Variants in CLNK observed in about 807,000 individuals in gnomAD.
CLNK encodes cytokine dependent hematopoietic cell linker.
A neutral mutation model predicts 68.6 loss-of-function variants in CLNK; 74 were observed. The observed-to-expected ratio is 1.08, with a 90% confidence interval of 0.89 to 1.31. CLNK has a LOEUF of 1.31. CLNK is among the 50% of genes most tolerant of loss of function. CLNK has a pLI of 0.00. For synonymous variants in CLNK, 198 were observed against 172.2 expected, an observed-to-expected ratio of 1.15 and a Z score of -1.17; for missense variants, 553 against 515.3, an observed-to-expected ratio of 1.07 and a Z score of -0.71.
the CLNK span, among the ~76,000 whole-genome samples, chr4:10,693,652 C>T: frequency 6.6e-6 from 1 of 152,208 alleles, no homozygotes; most frequent in African/African-American, 2.4e-5. Context: ...CAGTTGGTGG[C>T]ACTTGTTCCA....
chr4:10,609,831 C>A (rs1293697664), intron 2 of CLNK, among the ~76,000 whole-genome samples: 2 of 152,016 alleles, frequency 1.3e-5, no homozygotes, highest in Non-Finnish European at 2.9e-5. Flanking sequence ...TCTGCTTGAA[C>A]CTGCTAATTT....
rs796668139 is a variant in CLNK at position 10,546,307 on chromosome 4, C to A, written c.446-4027G>T. Among the ~76,000 whole-genome samples, 23 of 152,290 alleles carry A rather than the reference C, an allele frequency of 1.5e-4. 1 individual carries two copies. The highest frequency in any genetic ancestry group is 5.1e-4 in the African/African-American group (21 of 41,568). On this transcript the variant is annotated intron_variant, in intron 8 of 18. Transcript: ENST00000226951. ...ATCAATGTAAGTTGCCAAAATAACC[C>A]TGCAGCTCCTTCTATATTTTGCTTA... is the stretch of plus-strand genomic sequence containing the variant.
chr4:10,630,948 G>T (rs966075813), intron 2 of CLNK, among the ~76,000 whole-genome samples: 1 of 152,104 alleles, frequency 6.6e-6, no homozygotes, highest in Non-Finnish European at 1.5e-5. Flanking sequence ...AAATAAATAA[G>T]GGCTGTACTG....
At chr4:10,724,058 A>G in the CLNK span, among the ~76,000 whole-genome samples, 1 of 152,194 alleles carries the variant, frequency 6.6e-6, no homozygotes, top group African/African-American at 2.4e-5. Flanking sequence ...ATTTCAGACC[A>G]AGAGTCGACG....
intron 8 of CLNK, among the ~76,000 whole-genome samples, chr4:10,547,703 G>A (rs1653231640): frequency 6.6e-6 from 1 of 152,066 alleles, no homozygotes; most frequent in Non-Finnish European, 1.5e-5. Flanking sequence ...CTATGAGTTT[G>A]ACTGTGTTAG....
At chr4:10,585,097 G>A in intron 3 of CLNK, 142 bp from the exon 4 acceptor site, 1 of 657,448 alleles carries the variant, frequency 1.5e-6, no homozygotes, top group Admixed American at 2.8e-5. Flanking sequence ...TTGTAGACCT[G>A]AAGTCACATA....
chr4:10,504,712 G>A (rs2109028377), intron 17 of CLNK, among the ~76,000 whole-genome samples: 1 of 152,208 alleles, frequency 6.6e-6, no homozygotes, highest in East Asian at 1.9e-4. Flanking sequence ...GAGAGAAGAG[G>A]CCAAAACTCA....
intron 2 of CLNK, among the ~76,000 whole-genome samples, chr4:10,665,519 C>T (rs1486429705): frequency 6.6e-6 from 1 of 151,906 alleles, no homozygotes; most frequent in East Asian, 1.9e-4. Context: ...GAAAAATTAG[C>T]CAGGCATGGT....
In CLNK at chr4:10,571,724, G is replaced by A; in HGVS notation, c.150+17C>T. 1 of 1,602,812 alleles carries A rather than the reference G, an allele frequency of 6.2e-7. No individual in the cohort carries two copies. Among genetic ancestry groups the A allele is most frequent in the Non-Finnish European group, 8.5e-7 (1 of 1,170,224 alleles). On this transcript the variant is annotated intron_variant, in intron 5 of 18. Transcript: ENST00000226951. ...ATTAAAGACGTATAAAATAGATAAG[G>A]GAAGCAGCTGACTTACCCAGTCTAG... is the stretch of plus-strand genomic sequence containing the variant.
chr4:10,600,350 T>C (rs1335738067), intron 2 of CLNK, among the ~76,000 whole-genome samples: 1 of 152,226 alleles, frequency 6.6e-6, no homozygotes, highest in African/African-American at 2.4e-5. Flanking sequence ...ATGAGTCTAA[T>C]CATTCATTTA....
At chr4:10,727,880 A>C in the CLNK span, among the ~76,000 whole-genome samples, 2 of 152,356 alleles carry the variant, frequency 1.3e-5, no homozygotes, top group Non-Finnish European at 2.9e-5. Context: ...GGCCCCAACC[A>C]GTTCTAGTGA....
the CLNK span, among the ~76,000 whole-genome samples, chr4:10,699,276 C>T: frequency 2.5e-5 from 3 of 119,116 alleles, no homozygotes; most frequent in East Asian, 5.5e-4. Flanking sequence ...CACACACACA[C>T]ACCACATACG....
In CLNK at chr4:10,501,337, C is replaced by CTCA. The variant is rs1717039541; in HGVS notation, c.1056_1058dup (p.Tyr352_Glu353insAsp). ...GTATTTTTACATTGTAGACTTTGTT[C>CTCA]TCATAAAACACAGCCAAAACATAGG... On this transcript the variant is annotated inframe_insertion, in exon 18 of 19. Coordinates refer to ENST00000226951, the MANE Select transcript of CLNK (RefSeq NM_052964.4). The CTCA allele has an allele frequency of 6.2e-7, 1 of 1,609,294 alleles. No homozygotes were observed. Among genetic ancestry groups the CTCA allele is most frequent in the Non-Finnish European group, 8.5e-7 (1 of 1,178,572 alleles).
At chr4:10,661,686 A>G (rs898414029) in intron 2 of CLNK, among the ~76,000 whole-genome samples, 3 of 152,218 alleles carry the variant, frequency 2.0e-5, no homozygotes, top group Non-Finnish European at 4.4e-5. Flanking sequence ...TTCAAGTGAG[A>G]AAAGTATTGC....
the CLNK span, among the ~76,000 whole-genome samples, chr4:10,694,247 G>A: frequency 4.0e-5 from 6 of 150,330 alleles, no homozygotes; most frequent in East Asian, 7.8e-4. Flanking sequence ...ATTTCTATCC[G>A]GCCAGGTGGG....
At chr4:10,515,759 A>G (rs1717809821) in intron 15 of CLNK, among the ~76,000 whole-genome samples, 1 of 152,240 alleles carries the variant, frequency 6.6e-6, no homozygotes, top group Non-Finnish European at 1.5e-5. Flanking sequence ...TTAAAAAGAT[A>G]TTACATAATA....
intron 17 of CLNK, among the ~76,000 whole-genome samples, chr4:10,506,643 G>T (rs2109030163): frequency 6.6e-6 from 1 of 152,236 alleles, no homozygotes; most frequent in African/African-American, 2.4e-5. Flanking sequence ...GACCTCTATA[G>T]TCCAGTTTCC....
chr4:10,547,992 G>C (rs1388230552), intron 8 of CLNK, among the ~76,000 whole-genome samples: 1 of 151,872 alleles, frequency 6.6e-6, no homozygotes, highest in Non-Finnish European at 1.5e-5. Flanking sequence ...CAATTCTTTG[G>C]GTATATACTC....
intron 17 of CLNK, among the ~76,000 whole-genome samples, chr4:10,505,902 A>G (rs186378620): frequency 2.0e-5 from 3 of 152,310 alleles, no homozygotes; most frequent in Admixed American, 1.3e-4. Context: ...CAACTTATAC[A>G]TATAATTTAT....
Sources: gnomAD v4.1 joint callset for allele counts (sites outside exome capture counted in the v4.1 genomes callset) on GRCh38, gnomAD v4.1.1 for gene constraint, MANE v1.5 for transcripts, NCBI Gene and HGNC (gene_info 2026-07-23, HGNC 2026-07-21) for gene names.